SLC25A32: variants seen among roughly 807,000 people sequenced by gnomAD.
SLC25A32 encodes solute carrier family 25 member 32, also known as Glycine auxotroph B, complementation of hamster.
SLC25A32 carries 32 observed loss-of-function variants against 39.0 expected under a neutral mutation model. The ratio of observed to expected loss-of-function variants is 0.82; its 90% CI spans 0.62 to 1.10. The LOEUF (loss-of-function observed/expected upper bound fraction) is 1.10. Among genes scored for constraint, SLC25A32 ranks in the 50% least tolerant of loss-of-function variants. SLC25A32 has a pLI of 0.00. For synonymous variants in SLC25A32, 166 were observed against 152.4 expected, an observed-to-expected ratio of 1.09 and a Z score of -0.66; for missense variants, 367 against 395.3, an observed-to-expected ratio of 0.93 and a Z score of 0.61.
chr8:103,412,541 C>T (rs892714772), intron 1 of SLC25A32, among the ~76,000 whole-genome samples: 26 of 152,216 alleles, frequency 1.7e-4, no homozygotes, highest in African/African-American at 6.0e-4. Context: ...TCATCAATTT[C>T]ATTTCTGAGC....
Position 103,401,678 on chromosome 8 carries a change from A to G in SLC25A32, c.667-17T>C. 1.3e-6 allele frequency: 2 copies of G among 1,554,786 alleles called. No individual in the cohort carries two copies. The highest frequency in any genetic ancestry group is 1.7e-6 in the Non-Finnish European group (2 of 1,153,234). On this transcript the variant is annotated splice_polypyrimidine_tract_variant and intron_variant, in intron 5 of 6. Transcript: ENST00000297578. The stretch of plus-strand genomic sequence containing the variant: ...TACTGTGCTCTAAAATGGCAATACA[A>G]AACAGTTTTTTCTTTAGACAGGATT...
At chr8:103,403,365 C>T (rs1162521973) in intron 3 of SLC25A32, 41 bp from the exon 4 acceptor site, 2 of 1,209,100 alleles carry the variant, frequency 1.7e-6, no homozygotes, top group Non-Finnish European at 2.2e-6. Context: ...CATACAGATA[C>T]TTTCGCACTT....
intron 3 of SLC25A32, among the ~76,000 whole-genome samples, chr8:103,403,551 G>A (rs1816265310): frequency 1.3e-5 from 2 of 152,160 alleles, no homozygotes; most frequent in Non-Finnish European, 2.9e-5. Context: ...TTAGCTAGAG[G>A]TAAATTAAAA....
At chr8:103,407,933 TATATATATATTACATATATATATAA>T in intron 1 of SLC25A32, 149 bp from the exon 2 acceptor site, 1 of 208,836 alleles carries the variant, frequency 4.8e-6, no homozygotes, top group Non-Finnish European at 9.1e-6. Context: ...TCCAGGCTTT[TATATATATATTACATATATATATAA>T]ATATATATAT....
At chr8:103,407,999 T>C (rs951390357) in intron 1 of SLC25A32, among the ~76,000 whole-genome samples, 3 of 148,460 alleles carry the variant, frequency 2.0e-5, no homozygotes, top group African/African-American at 7.5e-5. Context: ...CATTTTTGTG[T>C]CAGAGTCCCG....
intron 4 of SLC25A32, 61 bp from the exon 5 acceptor site, chr8:103,402,115 G>T: frequency 9.3e-7 from 1 of 1,071,570 alleles, no homozygotes; most frequent in Non-Finnish European, 1.3e-6. Context: ...ATATATTTAA[G>T]TAAAATACTT....
intron 2 of SLC25A32, among the ~76,000 whole-genome samples, chr8:103,405,746 G>C (rs1305547693): frequency 6.6e-6 from 1 of 151,688 alleles, no homozygotes; most frequent in African/African-American, 2.4e-5. Context: ...CTGTAACCTT[G>C]AATTTCTAGG....
intron 2 of SLC25A32, 113 bp downstream of exon 2, chr8:103,407,521 C>G: frequency 1.1e-6 from 1 of 878,852 alleles, no homozygotes; most frequent in Non-Finnish European, 1.7e-6. Flanking sequence ...CCTTCCAATT[C>G]AGAGAAACTG....
At chr8:103,408,063 C>T (rs911452943) in intron 1 of SLC25A32, among the ~76,000 whole-genome samples, 6 of 150,926 alleles carry the variant, frequency 4.0e-5, no homozygotes, top group Non-Finnish European at 7.4e-5. Flanking sequence ...CTGCAATCTC[C>T]GCCTCCCAGG....
At chr8:103,412,895 A>G (rs1174518689) in intron 1 of SLC25A32, among the ~76,000 whole-genome samples, 2 of 152,240 alleles carry the variant, frequency 1.3e-5, no homozygotes, top group Non-Finnish European at 2.9e-5. Flanking sequence ...ATTACATGGA[A>G]GCATAAAAAT....
chr8:103,414,981 G>T lies in SLC25A32; in HGVS notation c.-44C>A. 1 of 1,581,536 alleles carries T rather than the reference G, an allele frequency of 6.3e-7. No individual in the cohort carries two copies. Among genetic ancestry groups the T allele is most frequent in the Non-Finnish European group, 8.6e-7 (1 of 1,163,506 alleles). The stretch of plus-strand genomic sequence containing the variant: ...CACCACGGCGCCCAGGGCCGCGGAG[G>T]TGGGACGCGATGCAGTGGCCGCCAC... On this transcript the variant is annotated 5_prime_UTR_variant, in exon 1 of 7. Coordinates refer to ENST00000297578, the MANE Select transcript of SLC25A32 (RefSeq NM_030780.5).
intron 1 of SLC25A32, among the ~76,000 whole-genome samples, chr8:103,413,088 G>C (rs529986122): frequency 6.6e-6 from 1 of 152,116 alleles, no homozygotes; most frequent in South Asian, 2.1e-4. Flanking sequence ...CCTTTTATCT[G>C]TCACCTCAGC....
intron 1 of SLC25A32, among the ~76,000 whole-genome samples, chr8:103,414,120 CTT>C (rs1348219488): frequency 1.3e-5 from 2 of 152,204 alleles, no homozygotes; most frequent in East Asian, 3.8e-4. Flanking sequence ...CTTGTAATAA[CTT>C]TATTTGGAAA....
In SLC25A32 at chr8:103,403,239, T is replaced by G; in HGVS notation, c.477A>C (p.Pro159=). The change falls in exon 4 of 7, where the codon CCA becomes CCC. Residue 159 remains proline (P), a synonymous_variant. Coordinates refer to ENST00000297578, the MANE Select transcript of SLC25A32 (RefSeq NM_030780.5). ...MLQYDAVVNS[P]HRQYKGMFDT... Reference sequence around the variant, plus strand: ...CAAACATTCCTTTATATTGTCGGTGTGGGGAGTTAACAACAGCATCATACT... The same window carrying G: ...CAAACATTCCTTTATATTGTCGGTGGGGGGAGTTAACAACAGCATCATACT... 1 of 1,612,960 alleles carries G rather than the reference T, an allele frequency of 6.2e-7. No homozygotes were observed. The highest frequency in any genetic ancestry group is 8.5e-7 in the Non-Finnish European group (1 of 1,179,236).
In SLC25A32 at chr8:103,401,506, G is replaced by A. The variant is rs115968673; in HGVS notation, c.812+10C>T. 76 of 1,609,550 alleles carry A rather than the reference G, an allele frequency of 4.7e-5. 1 individual carries two copies. The highest frequency in any genetic ancestry group is 5.3e-5 in the Non-Finnish European group (63 of 1,178,184). ...GTCAAAGCAATTTTTGATATAGCAC[G>A]TGCTCTCACCTCCATGTCTTTGTGA... is the stretch of plus-strand genomic sequence containing the variant. On this transcript the variant is annotated intron_variant, in intron 6 of 6. Transcript: ENST00000297578.
intron 1 of SLC25A32, among the ~76,000 whole-genome samples, chr8:103,408,774 TG>T (rs754693945): frequency 6.6e-6 from 1 of 152,190 alleles, no homozygotes; most frequent in African/African-American, 2.4e-5. Context: ...ACCAGATACC[TG>T]GGGACTATCC....
Position 103,404,881 on chromosome 8 carries a change from G to C in SLC25A32, c.306-20C>G. ...TTGTAACTAAAAGAATTAAATGTGA[G>C]CAGTTTAATTTGAATAGGTGTCATT... On this transcript the variant is annotated intron_variant, in intron 2 of 6. Transcript: ENST00000297578. 6.5e-7 allele frequency: 1 copy of C among 1,548,450 alleles called. No homozygotes were observed. Among genetic ancestry groups the C allele is most frequent in the Non-Finnish European group, 8.9e-7 (1 of 1,121,756 alleles).
Position 103,401,944 on chromosome 8 carries a change from C to T in SLC25A32, c.663G>A (p.Gln221=). ...ATTTTTACAAGAATAATCTTACCAA[C>T]TGGGCTTCTGGTAATCTATTGATAT... The part of the protein sequence containing the change: ...NQHINRLPEA[Q]LSTVEYISVA... Residue 221 remains glutamine, a synonymous_variant, in exon 5 of 7, where the codon CAG becomes CAA. Coordinates refer to ENST00000297578, the MANE Select transcript of SLC25A32 (RefSeq NM_030780.5). The T allele has an allele frequency of 6.2e-7, 1 of 1,603,188 alleles. No homozygotes were observed. The highest frequency in any genetic ancestry group is 8.5e-7 in the Non-Finnish European group (1 of 1,174,258).
At chr8:103,410,741 A>C (rs1245291965) in intron 1 of SLC25A32, among the ~76,000 whole-genome samples, 1 of 152,172 alleles carries the variant, frequency 6.6e-6, no homozygotes, top group African/African-American at 2.4e-5. Context: ...CACAGCACTA[A>C]AAAAATGCCA....
Sources: gnomAD v4.1 joint callset for allele counts (sites outside exome capture counted in the v4.1 genomes callset) on GRCh38, gnomAD v4.1.1 for gene constraint, MANE v1.5 for transcripts, NCBI Gene and HGNC (gene_info 2026-07-23, HGNC 2026-07-21) for gene names.